ZNF43: variants seen among roughly 807,000 people sequenced by gnomAD.
ZNF43 encodes zinc finger protein 39-like 1 (KOX 27).
In ZNF43, 44 loss-of-function variants were observed where a neutral mutation model predicts 68.4. The ratio of observed to expected loss-of-function variants is 0.64; its 90% CI spans 0.51 to 0.83. The LOEUF is 0.83. Among genes scored for constraint, ZNF43 ranks in the 40% least tolerant of loss-of-function variants. ZNF43 has a pLI of 0.00. For missense variants in ZNF43, 896 were observed against 933.2 expected (o/e 0.96, Z 0.52); for synonymous variants, 308 against 307.8 (o/e 1.00, Z -0.01).
intron 1 of ZNF43, chr19:21,851,068 C>CA (rs1249764686): frequency 6.6e-5 from 10 of 152,370 alleles, no homozygotes; most frequent in African/African-American, 2.4e-4. Flanking sequence ...GACGGTATTG[C>CA]AAGAGAGCCA....
At chr19:21,845,026 T>A (rs1006250125) in intron 1 of ZNF43, among the ~76,000 whole-genome samples, 3 of 148,614 alleles carry the variant, frequency 2.0e-5, no homozygotes, top group African/African-American at 7.5e-5. Flanking sequence ...TAGAGATATG[T>A]CACAATCTTT....
chr19:21,809,157 C>G lies in ZNF43; in HGVS notation c.880G>C (p.Ala294Pro). The G allele has an allele frequency of 6.2e-7, 1 of 1,613,468 alleles. No individual in the cohort carries two copies. Among genetic ancestry groups the G allele is most frequent in the Non-Finnish European group, 8.5e-7 (1 of 1,179,788 alleles). ...GTAAGGTTTGAGGATTGGTTAAAAG[C>G]TTTGGCACATTCTTTACATTTGTAG... ...KFYKCKECAK[A>P]FNQSSNLTEH... is the part of the protein sequence containing the mutation. Residue 294 changes from alanine (A) to proline (P), a missense_variant, in exon 4 of 4, where the codon GCT (alanine) becomes CCT (proline). Coordinates refer to ENST00000354959, the MANE Select transcript of ZNF43 (RefSeq NM_003423.4).
At position 21,806,715 on chromosome 19, in the gene ZNF43, TCTA is replaced by T. The variant is rs1328807638; in HGVS notation, c.*889_*891del. The T allele has an allele frequency of 2.0e-5, 3 of 152,334 alleles. No individual in the cohort carries two copies. In the East Asian group the frequency reaches 5.8e-4, roughly 29 times the overall value. 9.4% of individuals were successfully genotyped at this position (152,334 alleles called of 1,614,324 possible). On this transcript the variant is annotated 3_prime_UTR_variant, in exon 4 of 4. Coordinates refer to ENST00000354959, the MANE Select transcript of ZNF43 (RefSeq NM_003423.4). Reference sequence around the variant, plus strand: ...TAATTGTAATTATAACTGAAAATCTTCTACTTCTTTTAATGTTATATACAAATA... The same window carrying T: ...TAATTGTAATTATAACTGAAAATCTTCTTCTTTTAATGTTATATACAAATA...
chr19:21,847,267 G>A (rs189216588), intron 1 of ZNF43, among the ~76,000 whole-genome samples: 185 of 152,234 alleles, frequency 1.2e-3, no homozygotes, highest in African/African-American at 4.3e-3. Context: ...GAAGGGCCCA[G>A]GTAGGAGACT....
In ZNF43 at chr19:21,805,997, T is replaced by C. The variant is rs2036921744; in HGVS notation, c.*1610A>G. Reference sequence around the variant, plus strand: ...AAAAATTTAAAAATGTACATTTAATTACATAAAATTACAATAAGTAAAATG... The same window carrying C: ...AAAAATTTAAAAATGTACATTTAATCACATAAAATTACAATAAGTAAAATG... On this transcript the variant is annotated 3_prime_UTR_variant, in exon 4 of 4. Coordinates refer to ENST00000354959, the MANE Select transcript of ZNF43 (RefSeq NM_003423.4). 1 of 152,098 alleles carries C rather than the reference T, an allele frequency of 6.6e-6. No homozygotes were observed. Among genetic ancestry groups the C allele is most frequent in the Non-Finnish European group, 1.5e-5 (1 of 68,022 alleles). The allele number at this position is 152,098 out of a possible 1,614,324, so 9.4% of individuals were successfully genotyped here. A position where few individuals can be genotyped will look rare whatever the true frequency, so the allele number is the denominator to read the frequency against.
upstream of ZNF43, chr19:21,836,262 C>T: frequency 7.3e-7 from 1 of 1,374,474 alleles, no homozygotes; most frequent in Non-Finnish European, 9.5e-7. Context: ...CCCAGCGTCC[C>T]TGATTGGATA....
Position 21,806,693 on chromosome 19 carries a change from T to C in ZNF43, c.*914A>G, listed in dbSNP as rs532841730. Reference sequence around the variant, plus strand: ...TTTTCAAGATAAAAGTATACTTTAATTGTAATTATAACTGAAAATCTTCTA... The same window carrying C: ...TTTTCAAGATAAAAGTATACTTTAACTGTAATTATAACTGAAAATCTTCTA... On this transcript the variant is annotated 3_prime_UTR_variant, in exon 4 of 4. Transcript: ENST00000354959. The C allele has an allele frequency of 1.3e-5, 2 of 152,332 alleles. No homozygotes were observed. The highest frequency in any genetic ancestry group is 2.1e-4 in the South Asian group (1 of 4,834). 9.4% of individuals were successfully genotyped at this position (152,332 alleles called of 1,614,324 possible).
In ZNF43 at chr19:21,836,091, G is replaced by T; in HGVS notation, c.-53C>A. 1 of 1,612,592 alleles carries T rather than the reference G, an allele frequency of 6.2e-7. No homozygotes were observed. The highest frequency in any genetic ancestry group is 8.5e-7 in the Non-Finnish European group (1 of 1,178,976). ...CTTAGCTGTGGATCCCCCAATACCCGCAGGTCACAGAGCCACAGAGGCTGG... is the reference window on the plus strand; with the variant it reads ...CTTAGCTGTGGATCCCCCAATACCCTCAGGTCACAGAGCCACAGAGGCTGG... On this transcript the variant is annotated 5_prime_UTR_variant, in exon 1 of 4. Transcript: ENST00000354959.
At chr19:21,844,896 C>CAAAAA (rs869257892) in intron 1 of ZNF43, among the ~76,000 whole-genome samples, 4 of 35,794 alleles carry the variant, frequency 1.1e-4, no homozygotes, top group East Asian at 2.1e-3. Flanking sequence ...GATTCCGTCT[C>CAAAAA]AAAAAAAAAA....
chr19:21,833,911 T>C (rs1158321814), intron 1 of ZNF43, among the ~76,000 whole-genome samples: 2 of 151,872 alleles, frequency 1.3e-5, no homozygotes, highest in Non-Finnish European at 2.9e-5. Flanking sequence ...CCTGTAGTCC[T>C]AGCTACTCGG....
intron 1 of ZNF43, among the ~76,000 whole-genome samples, chr19:21,848,436 A>G (rs1383994562): frequency 6.6e-6 from 1 of 152,014 alleles, no homozygotes; most frequent in African/African-American, 2.4e-5. Context: ...ATGAGCCACC[A>G]TGCCCGGCCA....
At chr19:21,828,892 G>C (rs1188652859) in intron 1 of ZNF43, among the ~76,000 whole-genome samples, 2 of 151,460 alleles carry the variant, frequency 1.3e-5, no homozygotes. Flanking sequence ...AAATAGCCGG[G>C]TGCCCTGGCG....
intron 1 of ZNF43, among the ~76,000 whole-genome samples, chr19:21,825,503 C>A (rs531128901): frequency 6.6e-6 from 1 of 152,218 alleles, no homozygotes; most frequent in Admixed American, 6.5e-5. Flanking sequence ...ACTTGCATTT[C>A]TCAGATTAAA....
chr19:21,841,843 G>A (rs1160637988), intron 1 of ZNF43, among the ~76,000 whole-genome samples: 1 of 152,186 alleles, frequency 6.6e-6, no homozygotes, highest in African/African-American at 2.4e-5. Context: ...ATTAGCAGGT[G>A]AAGAGAGTCC....
chr19:21,809,395 A>C lies in ZNF43; in HGVS notation c.642T>G (p.Pro214=). ...CEKCGKAFNC[P]SIITKHKRIN... ...TTCTCTTATGTTTAGTGATGATTGA[A>C]GGGCAGTTAAAAGCTTTTCCACATT... Residue 214 remains proline, a synonymous_variant, in exon 4 of 4, where the codon CCT becomes CCG. Transcript: ENST00000354959. 6.2e-7 allele frequency: 1 copy of C among 1,613,558 alleles called. No homozygotes were observed. The highest frequency in any genetic ancestry group is 1.1e-5 in the South Asian group (1 of 91,034).
At chr19:21,842,596 C>T (rs1359693809) in intron 1 of ZNF43, among the ~76,000 whole-genome samples, 3 of 151,780 alleles carry the variant, frequency 2.0e-5, no homozygotes, top group Non-Finnish European at 4.4e-5. Flanking sequence ...GTCAAAATGC[C>T]CTATGTGGGT....
chr19:21,819,356 T>A, intron 1 of ZNF43, 135 bp from the exon 2 acceptor site: 1 of 968,560 alleles, frequency 1.0e-6, no homozygotes, highest in Middle Eastern at 2.3e-4. Context: ...ACTGAAATTA[T>A]CCAATAAAAT....
chr19:21,848,702 C>CT (rs772077203), intron 1 of ZNF43, among the ~76,000 whole-genome samples: 2 of 152,220 alleles, frequency 1.3e-5, no homozygotes, highest in African/African-American at 2.4e-5. Context: ...ACAACCACAC[C>CT]TGCAGAAAGG....
chr19:21,836,193 C>T, upstream of ZNF43: 1 of 1,520,884 alleles, frequency 6.6e-7, no homozygotes, highest in African/African-American at 1.4e-5. Flanking sequence ...AAAGGCCCCG[C>T]CACATCCCGG....
Sources: gnomAD v4.1 joint callset for allele counts (sites outside exome capture counted in the v4.1 genomes callset) on GRCh38, gnomAD v4.1.1 for gene constraint, MANE v1.5 for transcripts, NCBI Gene and HGNC (gene_info 2026-07-23, HGNC 2026-07-21) for gene names.